KIF21A: variants seen among roughly 807,000 people sequenced by gnomAD.
The protein encoded by KIF21A is kinesin family member 21A.
KIF21A carries 114 observed loss-of-function variants against 202.9 expected under a neutral mutation model. That is an observed-to-expected ratio of 0.56 (90% CI 0.48 to 0.66). KIF21A has a LOEUF of 0.66. Ranked by LOEUF, KIF21A falls within the 30% of genes least tolerant of loss-of-function variation. KIF21A has a pLI of 0.00. For synonymous variants in KIF21A, 667 were observed against 670.8 expected, an observed-to-expected ratio of 0.99 and a Z score of 0.09; for missense variants, 1,677 against 1,994.9, an observed-to-expected ratio of 0.84 and a Z score of 3.04.
intron 1 of KIF21A, among the ~76,000 whole-genome samples, chr12:39,407,882 A>AGCTAAATATATTTAGCATATAAATATAT (rs1313007021): frequency 1.7e-4 from 26 of 151,286 alleles, no homozygotes; most frequent in Non-Finnish European, 2.8e-4. Flanking sequence ...TAAAATCAGT[A>AGCTAAATATATTTAGCATATAAATATAT]GCTAAATATA....
At chr12:39,394,805 C>T (rs1441777506) in intron 1 of KIF21A, among the ~76,000 whole-genome samples, 1 of 152,222 alleles carries the variant, frequency 6.6e-6, no homozygotes, top group Non-Finnish European at 1.5e-5. Flanking sequence ...ATCTCCATCC[C>T]AATCTCTTTT....
intron 1 of KIF21A, among the ~76,000 whole-genome samples, chr12:39,415,552 C>G (rs528280438): frequency 2.0e-5 from 3 of 152,140 alleles, no homozygotes; most frequent in African/African-American, 7.2e-5. Flanking sequence ...CCGCCGCGCC[C>G]GGCCGAGAAT....
chr12:39,391,733 C>CATT (rs1566119500), intron 1 of KIF21A, among the ~76,000 whole-genome samples: 4 of 150,774 alleles, frequency 2.7e-5, no homozygotes, highest in Non-Finnish European at 5.9e-5. Flanking sequence ...CTGCAATTTT[C>CATT]GTTGTTGTTG....
chr12:39,418,539 G>C (rs1460716123), intron 1 of KIF21A, among the ~76,000 whole-genome samples: 1 of 152,168 alleles, frequency 6.6e-6, no homozygotes, highest in African/African-American at 2.4e-5. Context: ...AAACATCCGA[G>C]TGTTTGGGAA....
chr12:39,349,809 A>G (rs991008034), intron 11 of KIF21A, among the ~76,000 whole-genome samples: 1 of 152,040 alleles, frequency 6.6e-6, no homozygotes, highest in Admixed American at 6.6e-5. Context: ...ATAAATTTTT[A>G]TATGTAGCAA....
At chr12:39,414,221 A>G (rs1034396549) in intron 1 of KIF21A, among the ~76,000 whole-genome samples, 15 of 152,212 alleles carry the variant, frequency 9.9e-5, no homozygotes, top group Admixed American at 5.2e-4. Context: ...ATGGTCATAT[A>G]AAGATTATGT....
chr12:39,304,852 A>G lies in KIF21A; in HGVS notation c.4529T>C (p.Ile1510Thr). The change falls in exon 35 of 38, where the codon ATC (isoleucine) becomes ACC (threonine). Residue 1510 changes from isoleucine (I) to threonine (T), a missense_variant. This residue lies in a region of KIF21A where 705 missense variants were observed against 791.9 expected (regional missense o/e 0.89). Transcript: ENST00000361418. Reference protein sequence around the residue: ...VDQISSGQDLIITGSKDHYIK... With the variant: ...VDQISSGQDLTITGSKDHYIK... The stretch of plus-strand genomic sequence containing the variant: ...GTAATGATCCTTGGAGCCAGTGATG[A>G]TTAGATCTTGTCCACTGGAAATCTG... 6.3e-7 allele frequency: 1 copy of G among 1,599,852 alleles called. No homozygotes were observed. The highest frequency in any genetic ancestry group is 1.1e-5 in the South Asian group (1 of 90,634).
chr12:39,341,222 C>G (rs1947414818), intron 14 of KIF21A, 128 bp from the exon 15 acceptor site: 2 of 823,594 alleles, frequency 2.4e-6, no homozygotes, highest in Non-Finnish European at 3.8e-6. Context: ...AGAAAAATTT[C>G]CTGGAAAAAC....
chr12:39,337,187 T>C lies in KIF21A; in HGVS notation c.2327A>G (p.Gln776Arg). 3.7e-6 allele frequency: 6 copies of C among 1,611,572 alleles called. No homozygotes were observed. Among genetic ancestry groups the C allele is most frequent in the Non-Finnish European group, 5.1e-6 (6 of 1,178,628 alleles). ...GGCTTTCTCTTGTTCTTCTTTCATT[T>C]GTTTCATTAGGCGAACCTAACCAAT... ...MKKTKVRLMKQMKEEQEKARL... is the reference protein window; with the variant it reads ...MKKTKVRLMKRMKEEQEKARL... Residue 776 changes from glutamine (Q) to arginine (R), a missense_variant, in exon 17 of 38, where the codon CAA becomes CGA. Coordinates refer to ENST00000361418, the MANE Select transcript of KIF21A (RefSeq NM_001173464.2).
At chr12:39,346,427 A>C in intron 12 of KIF21A, 39 bp downstream of exon 12, 1 of 1,415,600 alleles carries the variant, frequency 7.1e-7, no homozygotes, top group South Asian at 1.6e-5. Flanking sequence ...CTAAGTATTT[A>C]AACGACATTT....
intron 29 of KIF21A, among the ~76,000 whole-genome samples, chr12:39,316,564 A>G (rs1392325452): frequency 6.6e-6 from 1 of 152,156 alleles, no homozygotes; most frequent in East Asian, 1.9e-4. Flanking sequence ...TGGACAAGTC[A>G]CTTCTGTTAG....
intron 24 of KIF21A, chr12:39,329,919 C>A (rs773874957): frequency 2.1e-5 from 5 of 235,854 alleles, no homozygotes; most frequent in Admixed American, 5.2e-5. Context: ...AAAATTTTAA[C>A]GGAACATAAA....
chr12:39,351,516 A>G (rs1190888180), intron 11 of KIF21A, among the ~76,000 whole-genome samples: 2 of 152,066 alleles, frequency 1.3e-5, no homozygotes, highest in African/African-American at 2.4e-5. Flanking sequence ...TGAAGAAATA[A>G]TAAAATAATT....
intron 31 of KIF21A, 88 bp from the exon 32 acceptor site, chr12:39,311,641 C>T: frequency 1.5e-6 from 2 of 1,332,386 alleles, no homozygotes; most frequent in Non-Finnish European, 2.1e-6. Flanking sequence ...TTTCCCCTAA[C>T]TTTAAGAAGT....
chr12:39,363,330 G>C, intron 6 of KIF21A, 117 bp from the exon 7 acceptor site: 1 of 657,698 alleles, frequency 1.5e-6, no homozygotes, highest in Middle Eastern at 4.3e-4. Flanking sequence ...AAGAATATTT[G>C]TGTTTGGTTT....
In KIF21A at chr12:39,311,372, T is replaced by TA. The variant is rs78152306; in HGVS notation, c.4096+44dup. 2,096 of 1,519,634 alleles carry TA rather than the reference T, an allele frequency of 1.4e-3. 14 individuals carry two copies. In the African/African-American group the frequency reaches 0.019, roughly 14 times the overall value. The allele number at this position is 1,519,634 out of a possible 1,614,324, so 94.1% of individuals were successfully genotyped here. A position where few individuals can be genotyped will look rare whatever the true frequency, so the allele number is the denominator to read the frequency against. ...AATATGTTAAAAATGTAATTTTTTTTAAAAAAAAAGCTATTAAATATCTGC... is the reference window on the plus strand; with the variant it reads ...AATATGTTAAAAATGTAATTTTTTTTAAAAAAAAAAGCTATTAAATATCTGC... On this transcript the variant is annotated intron_variant, in intron 32 of 37. Transcript: ENST00000361418.
intron 7 of KIF21A, among the ~76,000 whole-genome samples, chr12:39,361,984 T>C (rs185348799): frequency 2.0e-5 from 3 of 152,234 alleles, no homozygotes; most frequent in East Asian, 1.9e-4. Flanking sequence ...TGATTAGATG[T>C]TGGGGGCAAA....
intron 37 of KIF21A, among the ~76,000 whole-genome samples, chr12:39,297,566 A>G (rs907427798): frequency 1.6e-5 from 2 of 122,970 alleles, no homozygotes; most frequent in African/African-American, 3.1e-5. Flanking sequence ...GAAGGGGAAC[A>G]TCACACTCTG....
chr12:39,311,796 A>G, intron 31 of KIF21A: 1 of 455,788 alleles, frequency 2.2e-6, no homozygotes, highest in South Asian at 2.7e-5. Flanking sequence ...ACTATAATAC[A>G]TCTAGATTTT....
Sources: gnomAD v4.1 joint callset for allele counts (sites outside exome capture counted in the v4.1 genomes callset) on GRCh38, gnomAD v4.1.1 for gene constraint, gnomAD v4.1.1 regional missense constraint, MANE v1.5 for transcripts, NCBI Gene and HGNC (gene_info 2026-07-23, HGNC 2026-07-21) for gene names.